The following CYBA variants were observed in gnomAD, a reference collection of about 807,000 sequenced individuals.
CYBA encodes the protein cytochrome b-245 light chain.
Under a neutral mutation model 20.8 loss-of-function variants are expected in CYBA, and 21 were observed. That is an observed-to-expected ratio of 1.01 (90% confidence interval 0.72 to 1.46). CYBA has a LOEUF of 1.46. CYBA is among the 40% of genes most tolerant of loss of function. CYBA has a pLI of 0.00. For synonymous variants in CYBA, 164 were observed against 127.5 expected (o/e 1.29, Z -1.93); for missense variants, 344 against 287.0 (o/e 1.20, Z -1.43).
In CYBA at chr16:88,643,662, G is replaced by C. The variant is rs959504572; in HGVS notation, c.370-91C>G. The C allele has an allele frequency of 4.1e-6, 5 of 1,228,842 alleles. No individual in the cohort carries two copies. In the African/African-American group the frequency reaches 7.7e-5, roughly 19 times the overall value. 76.1% of individuals were successfully genotyped at this position (1,228,842 alleles called of 1,614,324 possible). ...GAGGCCCACCCCGCTAGGGGCCCTG[G>C]GACAGGCTCAAGTCTGAATCCCACG... On this transcript the variant is annotated intron_variant, in intron 5 of 5. Coordinates refer to ENST00000261623, the MANE Select transcript of CYBA (RefSeq NM_000101.4). This position sits in a 1 kb window ranked among gnomAD's most constrained non-coding sequence, Gnocchi z 4.3.
At chr16:88,648,006 G>T in intron 2 of CYBA, 39 bp downstream of exon 2, 1 of 1,587,244 alleles carries the variant, frequency 6.3e-7, no homozygotes, top group South Asian at 1.1e-5. Context: ...CTCTGCCCTG[G>T]GCGTTCCCCG....
At chr16:88,646,067 G>A in intron 5 of CYBA, 49 bp downstream of exon 5, 4 of 1,472,512 alleles carry the variant, frequency 2.7e-6, no homozygotes, top group Non-Finnish European at 2.8e-6. Flanking sequence ...GTCAGGGCAG[G>A]GGCTGGGGAT....
chr16:88,646,457 C>T (rs1567608953), intron 4 of CYBA: 2 of 692,388 alleles, frequency 2.9e-6, no homozygotes, highest in Admixed American at 2.0e-5. Context: ...AGCAGACACA[C>T]AGCACGGAAC....
chr16:88,647,020 A>T (rs1248305177), intron 3 of CYBA, 81 bp downstream of exon 3: 4 of 1,390,750 alleles, frequency 2.9e-6, no homozygotes, highest in Non-Finnish European at 4.0e-6. Flanking sequence ...TCCAAGTGAG[A>T]AACCAAGCTC....
intron 3 of CYBA, 28 bp from the exon 4 acceptor site, chr16:88,646,866 G>A (rs367642649): frequency 1.6e-5 from 25 of 1,583,052 alleles, no homozygotes; most frequent in East Asian, 1.1e-4. Context: ...GCGAGACGGC[G>A]CGGCTGGGCC....
rs763854089 is a variant in CYBA at position 88,647,130 on chromosome 16, C to T, written c.174G>A (p.Lys58=). The change falls in exon 3 of 6, where the codon AAG becomes AAA. Residue 58 remains lysine (K), a synonymous_variant. Transcript: ENST00000261623. ...FVCLLEYPRG[K]RKKGSTMERW... ...GCTCCATGGTGGAGCCCTTCTTCCTCTTCCCCCGGGGGTACTCCAGCAGGC... is the reference window on the plus strand; with the variant it reads ...GCTCCATGGTGGAGCCCTTCTTCCTTTTCCCCCGGGGGTACTCCAGCAGGC... 3.7e-6 allele frequency: 6 copies of T among 1,611,544 alleles called. No individual in the cohort carries two copies. The highest frequency in any genetic ancestry group is 1.1e-5 in the South Asian group (1 of 91,034).
At chr16:88,646,512 A>G in intron 4 of CYBA, 1 of 698,580 alleles carries the variant, frequency 1.4e-6, no homozygotes, top group Non-Finnish European at 2.6e-6. Context: ...CCAGCAGTGC[A>G]TGCTGACCCC....
chr16:88,647,986 G>A, intron 2 of CYBA, 59 bp downstream of exon 2: 4 of 1,505,740 alleles, frequency 2.7e-6, no homozygotes, highest in South Asian at 1.2e-5. Flanking sequence ...ACTGTGAAGT[G>A]GCTCCCCAGC....
At chr16:88,645,040 G>C (rs1907225428) in intron 5 of CYBA, 1 of 636,976 alleles carries the variant, frequency 1.6e-6, no homozygotes, top group East Asian at 2.7e-5. Context: ...CACATGGCTG[G>C]TGGTGGGTTG....
At chr16:88,646,412 A>C (rs1453453663) in intron 4 of CYBA, 1 of 233,778 alleles carries the variant, frequency 4.3e-6, no homozygotes, top group Non-Finnish European at 8.2e-6. Context: ...GGAAGCAGCC[A>C]CGTGTGGGTG....
chr16:88,647,090 A>G lies in CYBA; in HGVS notation c.203+11T>C. ...GCCCCCGGAGAGACCCCAGAGCAGG[A>G]GGAGACTCACCAGCGCTCCATGGTG... On this transcript the variant is annotated intron_variant, in intron 3 of 5. Coordinates refer to ENST00000261623, the MANE Select transcript of CYBA (RefSeq NM_000101.4). The G allele has an allele frequency of 2.5e-6, 4 of 1,608,844 alleles. No individual in the cohort carries two copies. Among genetic ancestry groups the G allele is most frequent in the Non-Finnish European group, 3.4e-6 (4 of 1,178,308 alleles).
rs1266959732 is a variant in CYBA at position 88,643,593 on chromosome 16, A to G, written c.370-22T>C. The G allele has an allele frequency of 3.9e-6, 6 of 1,529,228 alleles. No homozygotes were observed. Among genetic ancestry groups the G allele is most frequent in the Middle Eastern group, 2.3e-4 (1 of 4,346 alleles). The allele number at this position is 1,529,228 out of a possible 1,614,324, so 94.7% of individuals were successfully genotyped here. Reference sequence around the variant, plus strand: ...CCGCCTGCGGGGCACTGAAGGGTTGAGCCGCGCCCCAGCGCCCGCCCTCCC... The same window carrying G: ...CCGCCTGCGGGGCACTGAAGGGTTGGGCCGCGCCCCAGCGCCCGCCCTCCC... On this transcript the variant is annotated intron_variant, in intron 5 of 5. Coordinates refer to ENST00000261623, the MANE Select transcript of CYBA (RefSeq NM_000101.4). This position sits in a 1 kb window ranked among gnomAD's most constrained non-coding sequence, Gnocchi z 4.3.
intron 3 of CYBA, 129 bp from the exon 4 acceptor site, chr16:88,646,967 G>C (rs1244296262): frequency 4.8e-5 from 57 of 1,180,382 alleles, no homozygotes; most frequent in Non-Finnish European, 6.2e-6. Flanking sequence ...GCAGGCACCG[G>C]CCTTGGTTTA....
At chr16:88,648,019 C>T (rs1907350484) in intron 2 of CYBA, 26 bp downstream of exon 2, 1 of 1,605,830 alleles carries the variant, frequency 6.2e-7, no homozygotes, top group Non-Finnish European at 8.5e-7. Flanking sequence ...GTTCCCCGCC[C>T]ACCCCAGCCT....
chr16:88,645,656 T>G, intron 5 of CYBA: 1 of 584,004 alleles, frequency 1.7e-6, no homozygotes, highest in Non-Finnish European at 3.1e-6. Context: ...GGTGCAGCAG[T>G]CATAAACCAA....
chr16:88,648,570 G>C (rs1393388696), intron 1 of CYBA, among the ~76,000 whole-genome samples: 2 of 151,662 alleles, frequency 1.3e-5, no homozygotes, highest in Non-Finnish European at 2.9e-5. Flanking sequence ...GTCTGATATG[G>C]CTATTTCTGC....
At chr16:88,650,860 C>T (rs1310278502) in intron 1 of CYBA, 96 bp downstream of exon 1, 6 of 1,360,636 alleles carry the variant, frequency 4.4e-6, no homozygotes. Context: ...CGCCTGGCGC[C>T]CCACTTCCCC....
chr16:88,647,931 T>C, intron 2 of CYBA, 114 bp downstream of exon 2: 5 of 1,041,288 alleles, frequency 4.8e-6, no homozygotes, highest in Non-Finnish European at 7.2e-6. Context: ...GCCCACCCTG[T>C]GTCCCAGCCT....
intron 5 of CYBA, chr16:88,645,307 A>G: frequency 1.4e-6 from 1 of 702,462 alleles, no homozygotes; most frequent in South Asian, 1.5e-5. Flanking sequence ...GGCTTGAAAC[A>G]GAACTCCACT....
Sources: gnomAD v4.1 joint callset for allele counts (sites outside exome capture counted in the v4.1 genomes callset) on GRCh38, gnomAD v4.1.1 for gene constraint, Gnocchi (gnomAD v3.1) non-coding constraint, MANE v1.5 for transcripts, NCBI Gene and HGNC (gene_info 2026-07-23, HGNC 2026-07-21) for gene names.